Variants in WASF1 observed in about 807,000 individuals in gnomAD.
WASF1 encodes the protein WASP family member 1.
Under a neutral mutation model 50.5 loss-of-function variants are expected in WASF1, and 7 were observed. That is an observed-to-expected ratio of 0.14 (90% CI 0.08 to 0.26). WASF1 has a LOEUF of 0.26. WASF1 is among the 10% of genes least tolerant of loss of function. The pLI is 1.00. For missense variants in WASF1, 470 were observed against 694.7 expected (o/e 0.68, Z 3.64); for synonymous variants, 205 against 244.0 (o/e 0.84, Z 1.49).
intron 3 of WASF1, among the ~76,000 whole-genome samples, chr6:110,135,781 C>CTT (rs1774928972): frequency 1.6e-5 from 1 of 62,894 alleles, no homozygotes; most frequent in Admixed American, 1.9e-4. Flanking sequence ...TTTGTCATTA[C>CTT]TTTTTGGCCT....
At chr6:110,130,976 T>C (rs184432523) in intron 3 of WASF1, among the ~76,000 whole-genome samples, 1 of 152,332 alleles carries the variant, frequency 6.6e-6, no homozygotes, top group Admixed American at 6.5e-5. Context: ...CTTGATCTTT[T>C]GGGTTTTTCT....
intron 3 of WASF1, among the ~76,000 whole-genome samples, chr6:110,144,356 G>C (rs531388372): frequency 7.8e-4 from 118 of 152,194 alleles, no homozygotes; most frequent in Non-Finnish European, 1.4e-3. Context: ...GTAGATTCTG[G>C]ATATTAGCCC....
intron 10 of WASF1, among the ~76,000 whole-genome samples, chr6:110,101,271 A>AT (rs952124376): frequency 6.2e-4 from 95 of 152,334 alleles, no homozygotes; most frequent in African/African-American, 2.2e-3. Flanking sequence ...AGGAGTTAAT[A>AT]TACACATTAA....
intron 3 of WASF1, among the ~76,000 whole-genome samples, chr6:110,139,986 C>T (rs1388549131): frequency 6.6e-6 from 1 of 152,002 alleles, no homozygotes; most frequent in East Asian, 1.9e-4. Context: ...GGCTTTCCAC[C>T]CAATTTTCTG....
intron 2 of WASF1, among the ~76,000 whole-genome samples, chr6:110,172,524 A>T (rs1776762350): frequency 6.6e-6 from 1 of 152,156 alleles, no homozygotes; most frequent in Non-Finnish European, 1.5e-5. Context: ...AATAGCAAAG[A>T]TATGGAATCA....
intron 4 of WASF1, among the ~76,000 whole-genome samples, chr6:110,116,617 C>G (rs1773822476): frequency 6.6e-6 from 1 of 152,228 alleles, no homozygotes; most frequent in South Asian, 2.1e-4. Context: ...CAAAAAGCAG[C>G]AGACAGCTTC....
chr6:110,176,883 A>T (rs116205317), intron 2 of WASF1, among the ~76,000 whole-genome samples: 1 of 152,122 alleles, frequency 6.6e-6, no homozygotes, highest in African/African-American at 2.4e-5. Flanking sequence ...AGTCTTATCT[A>T]TATGAAGTTT....
intron 2 of WASF1, among the ~76,000 whole-genome samples, chr6:110,173,549 CT>C (rs1235177293): frequency 6.6e-6 from 1 of 152,136 alleles, no homozygotes; most frequent in Non-Finnish European, 1.5e-5. Context: ...TATGAGAGGA[CT>C]CAGTTTGCTG....
At chr6:110,144,674 C>T in intron 3 of WASF1, among the ~76,000 whole-genome samples, 1 of 152,168 alleles carries the variant, frequency 6.6e-6, no homozygotes, top group Non-Finnish European at 1.5e-5. Flanking sequence ...TTTCAGCTTT[C>T]TACATATGGC....
intron 2 of WASF1, among the ~76,000 whole-genome samples, chr6:110,172,066 C>A (rs1381154062): frequency 1.3e-5 from 2 of 152,124 alleles, no homozygotes; most frequent in Non-Finnish European, 2.9e-5. Context: ...GAAATAGGAA[C>A]GCTTTTACAC....
At chr6:110,114,243 A>C (rs1773694810) in intron 4 of WASF1, among the ~76,000 whole-genome samples, 1 of 152,198 alleles carries the variant, frequency 6.6e-6, no homozygotes, top group Non-Finnish European at 1.5e-5. Context: ...CCTTGAATAC[A>C]TTGTGAGACT....
chr6:110,131,651 G>A (rs1562173611), intron 3 of WASF1, among the ~76,000 whole-genome samples: 2 of 152,228 alleles, frequency 1.3e-5, no homozygotes, highest in Admixed American at 1.3e-4. Context: ...GGGACTACAG[G>A]TGCCACAACA....
chr6:110,116,319 C>T (rs1773802988), intron 4 of WASF1, among the ~76,000 whole-genome samples: 2 of 152,188 alleles, frequency 1.3e-5, no homozygotes, highest in South Asian at 4.1e-4. Flanking sequence ...AAACAGTACA[C>T]TCCTGATCAA....
chr6:110,170,092 G>T (rs999127181), intron 2 of WASF1, among the ~76,000 whole-genome samples: 9 of 152,020 alleles, frequency 5.9e-5, no homozygotes, highest in African/African-American at 1.9e-4. Context: ...CAAAAAGAGA[G>T]GCAAACTAGG....
intron 4 of WASF1, among the ~76,000 whole-genome samples, chr6:110,120,393 A>G (rs1371113996): frequency 6.6e-6 from 1 of 152,198 alleles, no homozygotes; most frequent in Non-Finnish European, 1.5e-5. Context: ...TTATACACCA[A>G]TAACAGACAA....
intron 3 of WASF1, among the ~76,000 whole-genome samples, chr6:110,159,214 A>T (rs1167963984): frequency 6.6e-6 from 1 of 152,008 alleles, no homozygotes; most frequent in Non-Finnish European, 1.5e-5. Context: ...GGTAGATGCA[A>T]GCACAGGAAA....
intron 4 of WASF1, among the ~76,000 whole-genome samples, chr6:110,114,865 G>C (rs1773725885): frequency 1.3e-5 from 2 of 151,786 alleles, no homozygotes; most frequent in Admixed American, 6.6e-5. Flanking sequence ...GCTGAGGTGG[G>C]CAGACTGCTT....
At chr6:110,124,270 CTCTCTATATATATATA>C (rs1307720866) in intron 4 of WASF1, among the ~76,000 whole-genome samples, 27 of 52,466 alleles carry the variant, frequency 5.1e-4, no homozygotes, top group African/African-American at 3.0e-3. Context: ...CTCTCTCTCT[CTCTCTATATATATATA>C]TATATATATA....
At chr6:110,108,137 CAAAAAAAAAAA>C (rs369773397) in intron 6 of WASF1, among the ~76,000 whole-genome samples, 9 of 50,212 alleles carry the variant, frequency 1.8e-4, no homozygotes, top group South Asian at 1.1e-3. Context: ...GACTCCGCCT[CAAAAAAAAAAA>C]AAAAAAAAAA....
Sources: gnomAD v4.1 joint callset for allele counts (sites outside exome capture counted in the v4.1 genomes callset) on GRCh38, gnomAD v4.1.1 for gene constraint, MANE v1.5 for transcripts, NCBI Gene and HGNC (gene_info 2026-07-23, HGNC 2026-07-21) for gene names.